Variants in ADAMTS3 observed in about 807,000 individuals in gnomAD.
ADAMTS3 encodes the protein ADAM metallopeptidase with thrombospondin type 1 motif 3.
ADAMTS3 carries 73 observed loss-of-function variants against 129.0 expected under a neutral mutation model. The ratio of observed to expected loss-of-function variants is 0.57; its 90% confidence interval spans 0.47 to 0.69. The LOEUF is 0.69. Among genes scored for constraint, ADAMTS3 ranks in the 30% least tolerant of loss-of-function variants. ADAMTS3 has a pLI of 0.00. For synonymous variants in ADAMTS3, 477 were observed against 510.8 expected (o/e 0.93, Z 0.89); for missense variants, 1,457 against 1,514.5 (o/e 0.96, Z 0.63).
In ADAMTS3 at chr4:72,531,683, G is replaced by T. The variant is rs537653633; in HGVS notation, c.504+16795C>A. ...GTGGCACAGTTCTACCCAGTTCATG[G>T]AGGCAAAATGGCTTTAGAAACTCAC... is the stretch of plus-strand genomic sequence containing the variant. On this transcript the variant is annotated intron_variant, in intron 3 of 21. Coordinates refer to ENST00000286657, the MANE Select transcript of ADAMTS3 (RefSeq NM_014243.3). Among the ~76,000 whole-genome samples the T allele has an allele frequency of 4.6e-5, 7 of 152,282 alleles. No individual in the cohort carries two copies. The South Asian group carries it at 1.0e-3, about 23-fold the overall frequency.
intron 3 of ADAMTS3, among the ~76,000 whole-genome samples, chr4:72,486,389 C>G (rs1226351703): frequency 6.6e-6 from 1 of 152,156 alleles, no homozygotes; most frequent in African/African-American, 2.4e-5. Context: ...TATTTCTGCT[C>G]AGTCTTGTAC....
chr4:72,290,124 A>G (rs1193634388), intron 20 of ADAMTS3, among the ~76,000 whole-genome samples: 1 of 152,206 alleles, frequency 6.6e-6, no homozygotes, highest in East Asian at 1.9e-4. Flanking sequence ...ACATTGAGTC[A>G]GCCAATTAGC....
chr4:72,502,351 G>A (rs558976873), intron 3 of ADAMTS3, among the ~76,000 whole-genome samples: 3 of 152,034 alleles, frequency 2.0e-5, no homozygotes, highest in Non-Finnish European at 2.9e-5. Context: ...GGAAGGTTGC[G>A]TGTTTCCAGG....
At chr4:72,400,155 A>AT (rs1721865189) in intron 4 of ADAMTS3, among the ~76,000 whole-genome samples, 1 of 140,902 alleles carries the variant, frequency 7.1e-6, no homozygotes, top group African/African-American at 2.6e-5. Flanking sequence ...TGGTGTGTAT[A>AT]TATATGTGTG....
Position 72,398,070 on chromosome 4 carries a change from G to C in ADAMTS3, c.661+16745C>G, listed in dbSNP as rs533198811. ...AAAATTTAAAGAAACAATCTGCTAT[G>C]AAGTGTCATCATGAAGAGGACCAGG... On this transcript the variant is annotated intron_variant, in intron 4 of 21. Coordinates refer to ENST00000286657, the MANE Select transcript of ADAMTS3 (RefSeq NM_014243.3). Among the ~76,000 whole-genome samples the C allele has an allele frequency of 3.3e-5, 5 of 152,264 alleles. No homozygotes were observed. In the South Asian group the frequency reaches 1.0e-3, roughly 32 times the overall value.
chr4:72,507,529 T>G (rs1462811597), intron 3 of ADAMTS3, among the ~76,000 whole-genome samples: 1 of 152,198 alleles, frequency 6.6e-6, no homozygotes, highest in Non-Finnish European at 1.5e-5. Flanking sequence ...TGCCTTCAAT[T>G]TCTGTTAATT....
chr4:72,284,973 C>T (rs988187815), intron 21 of ADAMTS3, among the ~76,000 whole-genome samples: 2 of 152,204 alleles, frequency 1.3e-5, no homozygotes, highest in Admixed American at 1.3e-4. Flanking sequence ...CACAGAAACA[C>T]TGATCCATGC....
intron 2 of ADAMTS3, among the ~76,000 whole-genome samples, chr4:72,560,120 G>T (rs966452057): frequency 4.0e-5 from 6 of 149,424 alleles, no homozygotes; most frequent in Admixed American, 4.0e-4. Flanking sequence ...GGGAGAACTG[G>T]CTAGTCATAT....
intron 3 of ADAMTS3, among the ~76,000 whole-genome samples, chr4:72,420,402 G>A (rs945389681): frequency 3.9e-5 from 6 of 152,052 alleles, no homozygotes; most frequent in Non-Finnish European, 8.8e-5. Flanking sequence ...ACTATGCATG[G>A]CTAACATTTT....
At chr4:72,323,879 G>C (rs543964707) in intron 5 of ADAMTS3, among the ~76,000 whole-genome samples, 3 of 152,238 alleles carry the variant, frequency 2.0e-5, no homozygotes, top group South Asian at 2.1e-4. Flanking sequence ...TACAGATGAA[G>C]AAAATAAAGC....
chr4:72,451,577 C>T (rs960161355), intron 3 of ADAMTS3, among the ~76,000 whole-genome samples: 2 of 151,662 alleles, frequency 1.3e-5, no homozygotes, highest in Non-Finnish European at 3.0e-5. Flanking sequence ...TTTTCAGATC[C>T]AAAATTTGTA....
chr4:72,316,442 T>C (rs991286878), intron 10 of ADAMTS3, among the ~76,000 whole-genome samples: 1 of 152,048 alleles, frequency 6.6e-6, no homozygotes, highest in Non-Finnish European at 1.5e-5. Flanking sequence ...TCCCAGCACT[T>C]TGGGAGGCTG....
intron 3 of ADAMTS3, among the ~76,000 whole-genome samples, chr4:72,505,657 G>T (rs1164307998): frequency 6.6e-6 from 1 of 152,222 alleles, no homozygotes; most frequent in Non-Finnish European, 1.5e-5. Flanking sequence ...CCAGTGGGCA[G>T]CCACCAAGTA....
chr4:72,490,288 T>C (rs1481921553), intron 3 of ADAMTS3, among the ~76,000 whole-genome samples: 1 of 152,044 alleles, frequency 6.6e-6, no homozygotes, highest in African/African-American at 2.4e-5. Context: ...GCAAATATTT[T>C]CTCCCATTCT....
chr4:72,439,387 CAT>C (rs1285232005), intron 3 of ADAMTS3, among the ~76,000 whole-genome samples: 2 of 151,752 alleles, frequency 1.3e-5, no homozygotes, highest in African/African-American at 4.8e-5. Context: ...TGCCAAGCCA[CAT>C]GTTTTCCCTC....
At chr4:72,510,434 A>T (rs1720281995) in intron 3 of ADAMTS3, among the ~76,000 whole-genome samples, 2 of 152,138 alleles carry the variant, frequency 1.3e-5, no homozygotes, top group South Asian at 2.1e-4. Flanking sequence ...GTTGCAGGAT[A>T]CAAAAATAAC....
intron 3 of ADAMTS3, among the ~76,000 whole-genome samples, chr4:72,438,536 A>T (rs1718029911): frequency 6.6e-6 from 1 of 151,738 alleles, no homozygotes; most frequent in Non-Finnish European, 1.5e-5. Context: ...TTTCTGTCTG[A>T]CTTAATAGAA....
At chr4:72,294,307 A>G (rs1233813767) in intron 19 of ADAMTS3, among the ~76,000 whole-genome samples, 1 of 152,030 alleles carries the variant, frequency 6.6e-6, no homozygotes, top group Non-Finnish European at 1.5e-5. Context: ...GTGAGGGTGA[A>G]GGAGTAATGG....
At chr4:72,376,401 T>G (rs1208554418) in intron 4 of ADAMTS3, among the ~76,000 whole-genome samples, 5 of 152,128 alleles carry the variant, frequency 3.3e-5, no homozygotes, top group Non-Finnish European at 4.4e-5. Flanking sequence ...CTACACACAA[T>G]TGTTCCAAAT....
Sources: allele counts gnomAD v4.1 joint callset (sites outside exome capture counted in the v4.1 genomes callset), GRCh38; gene constraint gnomAD v4.1.1; transcripts MANE v1.5; gene names NCBI Gene and HGNC (gene_info 2026-07-23, HGNC 2026-07-21).